Variants in GABRB3 observed in about 807,000 individuals in gnomAD.
GABRB3 encodes the protein gamma-aminobutyric acid receptor subunit beta-3.
GABRB3 carries 14 observed loss-of-function variants against 52.1 expected under a neutral mutation model. That is an observed-to-expected ratio of 0.27 (90% CI 0.18 to 0.42). GABRB3 has a LOEUF of 0.42. Among genes scored for constraint, GABRB3 ranks in the 10% least tolerant of loss-of-function variants. The pLI is 1.00. For missense variants in GABRB3, 307 were observed against 609.1 expected (o/e 0.50, Z 5.22); for synonymous variants, 260 against 232.3 (o/e 1.12, Z -1.08).
chr15:26,666,449 G>T (rs1884727271), intron 3 of GABRB3: 1 of 152,214 alleles, frequency 6.6e-6, no homozygotes, highest in African/African-American at 2.4e-5. Context: ...AGTAAGGGGA[G>T]GCCGAGGGCT....
chr15:26,665,859 G>GA (rs1887694262), intron 3 of GABRB3, among the ~76,000 whole-genome samples: 1 of 152,156 alleles, frequency 6.6e-6, no homozygotes, highest in Non-Finnish European at 1.5e-5. Context: ...TTGTACAGAA[G>GA]AAAAAGTATA....
At chr15:26,644,351 A>G (rs1893293479) in intron 3 of GABRB3, among the ~76,000 whole-genome samples, 2 of 152,204 alleles carry the variant, frequency 1.3e-5, no homozygotes, top group Admixed American at 6.5e-5. Flanking sequence ...AATTAAAATG[A>G]GGTTGCTAGG....
At chr15:26,675,705 G>A (rs932069647) in intron 3 of GABRB3, among the ~76,000 whole-genome samples, 5 of 152,092 alleles carry the variant, frequency 3.3e-5, no homozygotes, top group Admixed American at 2.6e-4. Flanking sequence ...GAGGTGGGGG[G>A]AGGTCAGTCA....
rs367812521 is a variant in GABRB3, at chr15:26,759,551, G to A, written c.240+12851C>T. ...TGGGATTACAGGCATGAGCCACCGT[G>A]CCCAGCCAAAACATTATTTTTTGTA... On this transcript the variant is annotated intron_variant, in intron 3 of 8. Coordinates refer to ENST00000311550, the MANE Select transcript of GABRB3 (RefSeq NM_000814.6). Among the ~76,000 whole-genome samples, 11 of 152,300 alleles carry A rather than the reference G, an allele frequency of 7.2e-5. No homozygotes were observed. The South Asian group carries it at 1.2e-3, about 17-fold the overall frequency.
At chr15:26,596,188 G>C (rs1372757397) in intron 4 of GABRB3, among the ~76,000 whole-genome samples, 1 of 151,932 alleles carries the variant, frequency 6.6e-6, no homozygotes, top group African/African-American at 2.4e-5. Context: ...AAGATAGATA[G>C]GAATTTAGTG....
intron 2 of GABRB3, 55 bp downstream of exon 2, chr15:26,772,626 G>C (rs1354582580): frequency 6.8e-7 from 1 of 1,481,094 alleles, no homozygotes; most frequent in Non-Finnish European, 9.1e-7. Context: ...CCTCCGCCCA[G>C]GCCGCCGCCG....
chr15:26,642,659 C>A (rs1242334770), intron 3 of GABRB3: 16 of 420,482 alleles, frequency 3.8e-5, no homozygotes, highest in Middle Eastern at 7.0e-4. Context: ...GTAAGTGTAC[C>A]CCCCCGCACA....
intron 3 of GABRB3, among the ~76,000 whole-genome samples, chr15:26,762,403 T>A (rs1276253282): frequency 6.6e-6 from 1 of 152,182 alleles, no homozygotes; most frequent in East Asian, 1.9e-4. Context: ...TCTTCTCTGC[T>A]ATTGTCATTA....
At chr15:26,572,235 A>T (rs1890432966) in intron 6 of GABRB3, among the ~76,000 whole-genome samples, 1 of 152,188 alleles carries the variant, frequency 6.6e-6, no homozygotes, top group South Asian at 2.1e-4. Flanking sequence ...AGACAGATTC[A>T]TTCAGAACTG....
chr15:26,665,498 T>C (rs1887682192), intron 3 of GABRB3, among the ~76,000 whole-genome samples: 1 of 152,228 alleles, frequency 6.6e-6, no homozygotes, highest in Admixed American at 6.5e-5. Flanking sequence ...ATGACAGTAA[T>C]AATAGCAAAT....
chr15:26,556,049 G>C (rs775257845), intron 8 of GABRB3, among the ~76,000 whole-genome samples: 2 of 152,148 alleles, frequency 1.3e-5, no homozygotes, highest in African/African-American at 2.4e-5. Flanking sequence ...AAGCGATTGT[G>C]GGTGAAATAC....
At chr15:26,660,656 C>T (rs1887513269) in intron 3 of GABRB3, among the ~76,000 whole-genome samples, 1 of 152,146 alleles carries the variant, frequency 6.6e-6, no homozygotes. Context: ...ATACGGACAA[C>T]TTGGGTTGTA....
intron 3 of GABRB3, among the ~76,000 whole-genome samples, chr15:26,749,094 C>CT (rs1184821609): frequency 1.2e-4 from 18 of 151,928 alleles, no homozygotes; most frequent in Admixed American, 1.2e-3. Context: ...TTTGATCTAC[C>CT]TTTACTAGTT....
intron 6 of GABRB3, among the ~76,000 whole-genome samples, chr15:26,570,375 C>T (rs995092652): frequency 3.9e-5 from 6 of 152,198 alleles, no homozygotes; most frequent in Non-Finnish European, 4.4e-5. Flanking sequence ...CATGGGCCTG[C>T]GCACCATGCA....
intron 4 of GABRB3, among the ~76,000 whole-genome samples, chr15:26,596,179 A>C (rs1944136970): frequency 6.6e-6 from 1 of 152,154 alleles, no homozygotes; most frequent in African/African-American, 2.4e-5. Flanking sequence ...GTGTTTACAA[A>C]GATAGATAGG....
intron 3 of GABRB3, among the ~76,000 whole-genome samples, chr15:26,710,885 A>G (rs1483231099): frequency 1.3e-5 from 2 of 151,444 alleles, no homozygotes; most frequent in Admixed American, 6.6e-5. Flanking sequence ...TTCTTAATGA[A>G]TAACACTTTG....
At chr15:26,737,071 C>T (rs774976691) in intron 3 of GABRB3, among the ~76,000 whole-genome samples, 2 of 152,230 alleles carry the variant, frequency 1.3e-5, no homozygotes, top group African/African-American at 2.4e-5. Context: ...AAAGTGCTGT[C>T]GCAATGAGAG....
chr15:26,732,292 A>G (rs866760376), intron 3 of GABRB3, among the ~76,000 whole-genome samples: 35 of 146,920 alleles, frequency 2.4e-4, no homozygotes, highest in Non-Finnish European at 4.6e-4. Context: ...ATGGATGGAT[A>G]GATGGATGGA....
chr15:26,772,034 C>A, intron 3 of GABRB3: 1 of 233,222 alleles, frequency 4.3e-6, no homozygotes, highest in Non-Finnish European at 8.1e-6. Flanking sequence ...TCTCGCCTCT[C>A]CCGGTTCCCC....
Sources: gnomAD v4.1 joint callset for allele counts (sites outside exome capture counted in the v4.1 genomes callset) on GRCh38, gnomAD v4.1.1 for gene constraint, MANE v1.5 for transcripts, NCBI Gene and HGNC (gene_info 2026-07-23, HGNC 2026-07-21) for gene names.